Variants in PHTF2 observed in about 807,000 individuals in gnomAD.
The protein encoded by PHTF2 is putative homeodomain transcription factor 2.
A neutral mutation model predicts 101.2 loss-of-function variants in PHTF2; 60 were observed. The ratio of observed to expected loss-of-function variants is 0.59; its 90% CI spans 0.48 to 0.73. The LOEUF is 0.73. PHTF2 is among the 30% of genes least tolerant of loss of function. PHTF2 has a pLI of 0.00. For missense variants in PHTF2, 747 were observed against 908.7 expected (o/e 0.82, Z 2.29); for synonymous variants, 311 against 307.3 (o/e 1.01, Z -0.13).
intron 1 of PHTF2, among the ~76,000 whole-genome samples, chr7:77,815,829 G>A (rs967147891): frequency 1.3e-5 from 2 of 152,154 alleles, no homozygotes; most frequent in Non-Finnish European, 2.9e-5. Flanking sequence ...CATAAATTGG[G>A]TTAATATTCT....
exon 8 of PHTF2, chr7:77,908,892 T>G (rs1458383537): frequency 6.2e-7 from 1 of 1,613,304 alleles, no homozygotes; most frequent in South Asian, 1.1e-5. Flanking sequence ...CTGGGAACTG[T>G]GCATTGCCAG....
intron 12 of PHTF2, among the ~76,000 whole-genome samples, chr7:77,933,812 CA>C (rs1554391567): frequency 7.6e-6 from 1 of 130,998 alleles, no homozygotes; most frequent in Non-Finnish European, 1.6e-5. Context: ...TAAATTTTTT[CA>C]AAACATGCCA....
At chr7:77,873,000 G>A (rs1308771074) in intron 3 of PHTF2, among the ~76,000 whole-genome samples, 1 of 152,012 alleles carries the variant, frequency 6.6e-6, no homozygotes, top group Non-Finnish European at 1.5e-5. Flanking sequence ...CACGATCTCA[G>A]CTCACTGCAA....
chr7:77,880,443 T>C (rs1311094609), intron 3 of PHTF2, among the ~76,000 whole-genome samples: 2 of 152,170 alleles, frequency 1.3e-5, no homozygotes, highest in African/African-American at 4.8e-5. Context: ...TCTCTCAAGA[T>C]CTTTATTCTA....
chr7:77,945,190 T>G (rs1041411879), intron 16 of PHTF2, among the ~76,000 whole-genome samples: 6 of 151,914 alleles, frequency 3.9e-5, no homozygotes, highest in Non-Finnish European at 8.8e-5. Context: ...AATACAAAAT[T>G]AACTGGGCAT....
At chr7:77,870,334 A>G (rs547662613) in intron 3 of PHTF2, among the ~76,000 whole-genome samples, 3 of 151,612 alleles carry the variant, frequency 2.0e-5, no homozygotes, top group East Asian at 3.9e-4. Flanking sequence ...TTTATTAAGT[A>G]TTAACTCACA....
chr7:77,879,288 A>G (rs1185557034), intron 3 of PHTF2, among the ~76,000 whole-genome samples: 2 of 152,172 alleles, frequency 1.3e-5, no homozygotes, highest in Admixed American at 6.5e-5. Context: ...AATCTTTTTA[A>G]TATTTTTTGA....
intron 1 of PHTF2, among the ~76,000 whole-genome samples, chr7:77,818,939 C>G (rs991870915): frequency 6.6e-6 from 1 of 152,006 alleles, no homozygotes; most frequent in African/African-American, 2.4e-5. Flanking sequence ...TATAGTTTTC[C>G]TATAGAGGTC....
intron 2 of PHTF2, among the ~76,000 whole-genome samples, chr7:77,842,378 A>G (rs924853713): frequency 6.6e-6 from 1 of 152,076 alleles, no homozygotes; most frequent in Non-Finnish European, 1.5e-5. Context: ...TAGATCTTGT[A>G]TTTTTAGTAG....
intron 15 of PHTF2, 26 bp downstream of exon 14, chr7:77,940,685 T>G: frequency 6.5e-7 from 1 of 1,541,244 alleles, no homozygotes; most frequent in Non-Finnish European, 8.9e-7. Flanking sequence ...TAAAAGTAGC[T>G]TTAACATGCT....
intron 9 of PHTF2, among the ~76,000 whole-genome samples, chr7:77,919,218 TC>T (rs1803215690): frequency 6.6e-6 from 1 of 152,208 alleles, no homozygotes; most frequent in Admixed American, 6.5e-5. Context: ...AGTTTTAAGG[TC>T]CTGCTCAGTT....
chr7:77,801,074 A>C (rs1434739237), intron 1 of PHTF2, among the ~76,000 whole-genome samples: 2 of 152,250 alleles, frequency 1.3e-5, no homozygotes, highest in East Asian at 3.8e-4. Flanking sequence ...ATCATTGTAT[A>C]ATAGGCACTG....
intron 1 of PHTF2, among the ~76,000 whole-genome samples, chr7:77,809,569 G>T (rs1367362893): frequency 3.3e-5 from 5 of 152,134 alleles, no homozygotes; most frequent in Non-Finnish European, 2.9e-5. Flanking sequence ...GTGTGTGTGT[G>T]TGTGCGCAAA....
chr7:77,847,355 A>G (rs1796383337), intron 2 of PHTF2, among the ~76,000 whole-genome samples: 1 of 152,200 alleles, frequency 6.6e-6, no homozygotes, highest in Non-Finnish European at 1.5e-5. Flanking sequence ...TTAAACTACC[A>G]TGCTTTATAG....
chr7:77,954,677 TG>T (rs1225595008), intron 19 of PHTF2, among the ~76,000 whole-genome samples, 180 bp from the exon 19 acceptor site: 1 of 147,002 alleles, frequency 6.8e-6, no homozygotes, highest in Non-Finnish European at 1.5e-5. Context: ...AATAGAAATC[TG>T]ATTTTCACAT....
At chr7:77,811,673 T>G (rs912323760) in intron 1 of PHTF2, among the ~76,000 whole-genome samples, 4 of 152,212 alleles carry the variant, frequency 2.6e-5, no homozygotes, top group Non-Finnish European at 4.4e-5. Context: ...GAGCATTTTC[T>G]TACTTTCTGA....
At chr7:77,828,221 G>T (rs1439212387) in intron 1 of PHTF2, among the ~76,000 whole-genome samples, 1 of 152,034 alleles carries the variant, frequency 6.6e-6, no homozygotes, top group African/African-American at 2.4e-5. Flanking sequence ...CATTTAAATG[G>T]ATCATATTTC....
intron 17 of PHTF2, 110 bp downstream of exon 16, chr7:77,949,943 T>TA: frequency 3.4e-6 from 2 of 581,698 alleles, no homozygotes; most frequent in Non-Finnish European, 5.6e-6. Context: ...TCATTTGTGC[T>TA]ATAAAGCAAA....
intron 3 of PHTF2, among the ~76,000 whole-genome samples, chr7:77,862,193 C>T (rs1797705041): frequency 1.3e-5 from 2 of 152,026 alleles, no homozygotes; most frequent in African/African-American, 2.4e-5. Context: ...TATAAAAGTA[C>T]TGAGTTCATA....
Sources: gnomAD v4.1 joint callset for allele counts (sites outside exome capture counted in the v4.1 genomes callset) on GRCh38, gnomAD v4.1.1 for gene constraint, MANE v1.5 for transcripts, NCBI Gene and HGNC (gene_info 2026-07-23, HGNC 2026-07-21) for gene names.